Variants in TSPAN17 observed in about 807,000 individuals in gnomAD.
TSPAN17 encodes tetraspanin-17.
A neutral mutation model predicts 40.5 loss-of-function variants in TSPAN17; 33 were observed. The observed-to-expected ratio is 0.81, with a 90% confidence interval of 0.62 to 1.09. The LOEUF (loss-of-function observed/expected upper bound fraction) is 1.09. Ranked by LOEUF, TSPAN17 falls within the 50% of genes least tolerant of loss-of-function variation. The pLI is 0.00. For synonymous variants in TSPAN17, 166 were observed against 169.4 expected (o/e 0.98, Z 0.15); for missense variants, 365 against 416.8 (o/e 0.88, Z 1.08).
At chr5:176,647,778 A>C in intron 1 of TSPAN17, 76 bp downstream of exon 1, 1 of 1,358,186 alleles carries the variant, frequency 7.4e-7, no homozygotes, top group East Asian at 2.9e-5. Context: ...GCTGGGGGAG[A>C]CCACTCCCTG....
In TSPAN17 at chr5:176,656,764, A is replaced by G; in HGVS notation, c.695A>G (p.Gln232Arg). The change falls in exon 7 of 9, where the codon CAG becomes CGG. Residue 232 changes from glutamine (Q) to arginine (R), a missense_variant. Coordinates refer to ENST00000508164, the MANE Select transcript of TSPAN17 (RefSeq NM_130465.5). ...GTGGGCCAGTTTGAGAAGTGGCTGC[A>G]GGACAACCTGATTGTGGTGGCGGGA... ...GCVGQFEKWL[Q>R]DNLIVVAGVF... The G allele has an allele frequency of 6.2e-7, 1 of 1,614,216 alleles. No homozygotes were observed. Among genetic ancestry groups the G allele is most frequent in the Non-Finnish European group, 8.5e-7 (1 of 1,180,014 alleles).
intron 1 of TSPAN17, among the ~76,000 whole-genome samples, chr5:176,648,618 G>A (rs369294839): frequency 5.3e-5 from 8 of 152,230 alleles, no homozygotes; most frequent in African/African-American, 1.9e-4. Context: ...TCCTTGCACT[G>A]CAGCGCTAGG....
In TSPAN17 at chr5:176,647,547, A is replaced by G; in HGVS notation, c.-69A>G. The G allele has an allele frequency of 7.1e-7, 1 of 1,412,808 alleles. No homozygotes were observed. Among genetic ancestry groups the G allele is most frequent in the Non-Finnish European group, 9.5e-7 (1 of 1,055,170 alleles). 87.5% of individuals were successfully genotyped at this position (1,412,808 alleles called of 1,614,324 possible). A position where few individuals can be genotyped will look rare whatever the true frequency, so the allele number is the denominator to read the frequency against. On this transcript the variant is annotated 5_prime_UTR_variant, in exon 1 of 9. Transcript: ENST00000508164. Reference sequence around the variant, plus strand: ...GCTAGGCCCCGGGCGGCTCTAGCCCAGGGCGGCCCGCGGGGCGCTGGGCCT... The same window carrying G: ...GCTAGGCCCCGGGCGGCTCTAGCCCGGGGCGGCCCGCGGGGCGCTGGGCCT...
Position 176,656,138 on chromosome 5 carries a change from G to C in TSPAN17, c.630+13G>C. ...CCGGCTCAAACTGGTGAGAGGGGTA[G>C]GAACCGGGCTGGGGCAGGCAGGCAG... is the stretch of plus-strand genomic sequence containing the variant. On this transcript the variant is annotated intron_variant, in intron 6 of 8. Coordinates refer to ENST00000508164, the MANE Select transcript of TSPAN17 (RefSeq NM_130465.5). 1.2e-6 allele frequency: 2 copies of C among 1,614,098 alleles called. No individual in the cohort carries two copies. Among genetic ancestry groups the C allele is most frequent in the South Asian group, 2.2e-5 (2 of 91,064 alleles).
In TSPAN17 at chr5:176,652,988, G is replaced by C. The variant is rs974823018; in HGVS notation, c.456+75G>C. 6 of 1,499,894 alleles carry C rather than the reference G, an allele frequency of 4.0e-6. No individual in the cohort carries two copies. In the African/African-American group the frequency reaches 6.9e-5, roughly 17 times the overall value. The allele number at this position is 1,499,894 out of a possible 1,614,324, so 92.9% of individuals were successfully genotyped here. A position where few individuals can be genotyped will look rare whatever the true frequency, so the allele number is the denominator to read the frequency against. The stretch of plus-strand genomic sequence containing the variant: ...AGACGAATGAGGGAGCAAGTTCCCT[G>C]TGATGGGACCATCTCCTTACCCACC... On this transcript the variant is annotated intron_variant, in intron 4 of 8. Transcript: ENST00000508164.
In TSPAN17 at chr5:176,655,121, C is replaced by A. The variant is rs576184799; in HGVS notation, c.582+101C>A. 171 of 1,403,534 alleles carry A rather than the reference C, an allele frequency of 1.2e-4. No individual in the cohort carries two copies. The African/African-American group carries it at 2.3e-3, about 19-fold the overall frequency. 86.9% of individuals were successfully genotyped at this position (1,403,534 alleles called of 1,614,324 possible). A position where few individuals can be genotyped will look rare whatever the true frequency, so the allele number is the denominator to read the frequency against. The stretch of plus-strand genomic sequence containing the variant: ...GCTCCGCTCTGCCCTGCTCTGGGGG[C>A]GTGGATGCTGGGGGACGTCATTTTA... On this transcript the variant is annotated intron_variant, in intron 5 of 8. Coordinates refer to ENST00000508164, the MANE Select transcript of TSPAN17 (RefSeq NM_130465.5).
At chr5:176,655,206 C>CT (rs1031995935) in intron 5 of TSPAN17, among the ~76,000 whole-genome samples, 186 bp downstream of exon 5, 9 of 152,174 alleles carry the variant, frequency 5.9e-5, no homozygotes, top group East Asian at 1.9e-4. Flanking sequence ...CAAGACCTGT[C>CT]TTTTTTATCG....
chr5:176,648,394 G>A (rs1337936211), intron 1 of TSPAN17, among the ~76,000 whole-genome samples: 2 of 150,422 alleles, frequency 1.3e-5, no homozygotes, highest in African/African-American at 5.0e-5. Context: ...TGCCCCTACC[G>A]GGGAAGGGAG....
rs80092775 is a variant in TSPAN17 at position 176,654,781 on chromosome 5, G to C, written c.457-114G>C. 5.0e-4 allele frequency: 704 copies of C among 1,401,956 alleles called. 12 individuals carry two copies. In the East Asian group the frequency reaches 0.016, roughly 32 times the overall value. The allele number at this position is 1,401,956 out of a possible 1,614,324, so 86.8% of individuals were successfully genotyped here. On this transcript the variant is annotated intron_variant, in intron 4 of 8. Coordinates refer to ENST00000508164, the MANE Select transcript of TSPAN17 (RefSeq NM_130465.5). The surrounding 1 kb of genome is among the most constrained non-coding windows in gnomAD (Gnocchi z 4.3). ...TGGGGAGGTGGCCACCCACTTGGCTGTCCCAGCCCTGTCCCAGACAGCCCT... is the reference window on the plus strand; with the variant it reads ...TGGGGAGGTGGCCACCCACTTGGCTCTCCCAGCCCTGTCCCAGACAGCCCT...
Position 176,654,695 on chromosome 5 carries a change from TC to T in TSPAN17, c.457-196del. The stretch of plus-strand genomic sequence containing the variant: ...GGGTCGGGGAAGGGGGAGCTCAGTG[TC>T]CCCTCCCTTGCACCCCTCTGCCTCC... On this transcript the variant is annotated intron_variant, in intron 4 of 8. Coordinates refer to ENST00000508164, the MANE Select transcript of TSPAN17 (RefSeq NM_130465.5). This position sits in a 1 kb window ranked among gnomAD's most constrained non-coding sequence, Gnocchi z 4.3. The T allele has an allele frequency of 1.7e-6, 1 of 600,676 alleles. No homozygotes were observed. The highest frequency in any genetic ancestry group is 2.9e-6 in the Non-Finnish European group (1 of 345,248). 37.2% of individuals were successfully genotyped at this position (600,676 alleles called of 1,614,324 possible).
chr5:176,654,983 G>A lies in TSPAN17; in HGVS notation c.545G>A (p.Cys182Tyr). 1 of 1,611,210 alleles carries A rather than the reference G, an allele frequency of 6.2e-7. No homozygotes were observed. Among genetic ancestry groups the A allele is most frequent in the Non-Finnish European group, 8.5e-7 (1 of 1,178,674 alleles). ...CTDLNPSRER[C>Y]GVPFSCCVRD... Reference sequence around the variant, plus strand: ...GACTTGAACCCCAGCCGGGAGCGCTGCGGGGTGCCCTTCTCCTGCTGCGTC... The same window carrying A: ...GACTTGAACCCCAGCCGGGAGCGCTACGGGGTGCCCTTCTCCTGCTGCGTC... The change falls in exon 5 of 9, where the codon TGC becomes TAC. Residue 182 changes from cysteine (C) to tyrosine (Y), a missense_variant. Coordinates refer to ENST00000508164, the MANE Select transcript of TSPAN17 (RefSeq NM_130465.5). The surrounding 1 kb of genome is among the most constrained non-coding windows in gnomAD (Gnocchi z 4.3).
At chr5:176,655,239 C>T (rs1448164518) in intron 5 of TSPAN17, among the ~76,000 whole-genome samples, 4 of 152,180 alleles carry the variant, frequency 2.6e-5, no homozygotes, top group Admixed American at 2.0e-4. Context: ...AACAGCAGGA[C>T]CCTGGGGCAC....
At chr5:176,655,249 C>T (rs527575385) in intron 5 of TSPAN17, among the ~76,000 whole-genome samples, 43 of 152,316 alleles carry the variant, frequency 2.8e-4, no homozygotes, top group Middle Eastern at 3.4e-3. Flanking sequence ...CCCTGGGGCA[C>T]AGGGATGGGG....
intron 1 of TSPAN17, among the ~76,000 whole-genome samples, chr5:176,648,837 T>G (rs1168630281): frequency 6.8e-6 from 1 of 147,636 alleles, no homozygotes; most frequent in African/African-American, 2.7e-5. Context: ...ACAACTGCCT[T>G]ATTATCTGCA....
Position 176,651,784 on chromosome 5 carries a change from G to T in TSPAN17, c.169G>T (p.Asp57Tyr). Reference sequence around the variant, plus strand: ...TCTCTCGAACATCTCAGCGCTGACAGATCTGGGAGGCCTTGACCCCGTGTG... The same window carrying T: ...TCTCTCGAACATCTCAGCGCTGACATATCTGGGAGGCCTTGACCCCGTGTG... ...GVLSNISALTDLGGLDPVWLF... is the reference protein window; with the variant it reads ...GVLSNISALTYLGGLDPVWLF... The change falls in exon 3 of 9, where the codon GAT (aspartate) becomes TAT (tyrosine). Residue 57 changes from aspartate (D) to tyrosine (Y), a missense_variant. Transcript: ENST00000508164. This position sits in a 1 kb window ranked among gnomAD's most constrained non-coding sequence, Gnocchi z 4.5. 6.2e-7 allele frequency: 1 copy of T among 1,614,180 alleles called. No individual in the cohort carries two copies. The highest frequency in any genetic ancestry group is 1.1e-5 in the South Asian group (1 of 91,088).
chr5:176,649,669 C>T lies in TSPAN17; in HGVS notation c.88-1947C>T, dbSNP rs568294301. On this transcript the variant is annotated intron_variant, in intron 1 of 8. Transcript: ENST00000508164. ...CTCGAACTCCTGACCTCAGGTGATC[C>T]ACCTGCCTTGGCCTCCCAAAGTGCT... 3.2e-3 allele frequency among the ~76,000 whole-genome samples: 484 copies of T among 152,298 alleles called. 1 individual carries two copies. The highest frequency in any genetic ancestry group is 0.011 in the African/African-American group (462 of 41,572).
At chr5:176,652,709 T>C in intron 3 of TSPAN17, 34 bp from the exon 4 acceptor site, 1 of 1,609,270 alleles carries the variant, frequency 6.2e-7, no homozygotes, top group Non-Finnish European at 8.5e-7. Context: ...AGCCCTGCGT[T>C]TCCAACCCCT....
At position 176,652,820 on chromosome 5, in the gene TSPAN17, T is replaced by C; in HGVS notation, c.363T>C (p.Ile121=). ...TGGCCTTTGTCTTCAAGGACTGGAT[T>C]CGAGACCAGCTCAACCTCTTCATCA... is the stretch of plus-strand genomic sequence containing the variant. ...GILAFVFKDW[I]RDQLNLFINN... is the part of the protein sequence containing the mutation. The change falls in exon 4 of 9, where the codon ATT becomes ATC. Residue 121 remains isoleucine (I), a synonymous_variant. Transcript: ENST00000508164. The C allele has an allele frequency of 1.2e-6, 2 of 1,614,202 alleles. No homozygotes were observed. Among genetic ancestry groups the C allele is most frequent in the Non-Finnish European group, 1.7e-6 (2 of 1,180,018 alleles).
chr5:176,652,420 C>T (rs1039221667), intron 3 of TSPAN17, among the ~76,000 whole-genome samples: 1 of 152,204 alleles, frequency 6.6e-6, no homozygotes, highest in African/African-American at 2.4e-5. Flanking sequence ...GGGCTTTAGG[C>T]ACTTGCCAGT....
Sources: allele counts gnomAD v4.1 joint callset (sites outside exome capture counted in the v4.1 genomes callset), GRCh38; gene constraint gnomAD v4.1.1; non-coding constraint Gnocchi (gnomAD v3.1); transcripts MANE v1.5; gene names NCBI Gene and HGNC (gene_info 2026-07-23, HGNC 2026-07-21).